Variants in CRACD observed in about 807,000 individuals in gnomAD.
The protein encoded by CRACD is capping protein-inhibiting regulator of actin dynamics.
In CRACD, 56 loss-of-function variants were observed where a neutral mutation model predicts 106.8. The observed-to-expected ratio is 0.52, with a 90% CI of 0.42 to 0.66. CRACD has a LOEUF of 0.66. Ranked by LOEUF, CRACD falls within the 30% of genes least tolerant of loss-of-function variation. CRACD has a pLI of 0.00. For synonymous variants in CRACD, 754 were observed against 670.8 expected (o/e 1.12, Z -1.92); for missense variants, 1,730 against 1,623.2 (o/e 1.07, Z -1.13).
intron 1 of CRACD, among the ~76,000 whole-genome samples, chr4:56,116,853 G>T (rs1049343064): frequency 2.0e-5 from 3 of 151,210 alleles, no homozygotes; most frequent in Non-Finnish European, 2.9e-5. Flanking sequence ...GATTACAGGC[G>T]CACGGCACCA....
rs563021917 is a variant in CRACD, at chr4:56,191,224, A to G, written c.-189+11794A>G. Among the ~76,000 whole-genome samples, 5 of 152,334 alleles carry G rather than the reference A, an allele frequency of 3.3e-5. No individual in the cohort carries two copies. In the East Asian group the frequency reaches 7.7e-4, roughly 24 times the overall value. On this transcript the variant is annotated intron_variant, in intron 2 of 10. Coordinates refer to ENST00000682029, the MANE Select transcript of CRACD (RefSeq NM_001393381.1). ...GTAGTTCTAGAGATCAGAAGTCTCA[A>G]ATGAGTCAGCAGGCCTGGCTCCTTC...
At chr4:56,258,983 G>A (rs1485184921) in intron 2 of CRACD, among the ~76,000 whole-genome samples, 1 of 152,010 alleles carries the variant, frequency 6.6e-6, no homozygotes, top group African/African-American at 2.4e-5. Context: ...AGGATTCATG[G>A]GTCTGTAACT....
At position 56,228,607 on chromosome 4, in the gene CRACD, C is replaced by CA. The variant is rs35810086; in HGVS notation, c.-188-43694dup. ...TAACATAACGAGACACCATCTCTAC[C>CA]AAAAAAAAAAAAAAAAAAAAGAATT... On this transcript the variant is annotated intron_variant, in intron 2 of 10. Transcript: ENST00000682029. Among the ~76,000 whole-genome samples, 941 of 101,370 alleles carry CA rather than the reference C, an allele frequency of 9.3e-3. 5 individuals are homozygous for CA. Among genetic ancestry groups the CA allele is most frequent in the Non-Finnish European group, 0.013 (639 of 50,134 alleles). 66.5% of individuals were successfully genotyped at this position (101,370 alleles called of 152,430 possible).
intron 2 of CRACD, among the ~76,000 whole-genome samples, chr4:56,202,425 T>G (rs1243345802): frequency 5.3e-5 from 8 of 152,150 alleles, no homozygotes; most frequent in Admixed American, 5.2e-4. Flanking sequence ...TTTTCTATTT[T>G]TAATAGAGAT....
At chr4:56,253,149 T>G (rs1278311397) in intron 2 of CRACD, among the ~76,000 whole-genome samples, 4 of 152,290 alleles carry the variant, frequency 2.6e-5, no homozygotes, top group African/African-American at 9.6e-5. Context: ...TGAAACGACT[T>G]GGCTCTCTTT....
At chr4:56,188,962 G>A (rs1737230132) in intron 2 of CRACD, among the ~76,000 whole-genome samples, 1 of 152,078 alleles carries the variant, frequency 6.6e-6, no homozygotes, top group Non-Finnish European at 1.5e-5. Context: ...ACTTAAGAAT[G>A]TGCATCACCT....
intron 2 of CRACD, among the ~76,000 whole-genome samples, chr4:56,180,071 A>G (rs574881414): frequency 2.2e-4 from 33 of 152,242 alleles, no homozygotes; most frequent in Non-Finnish European, 3.2e-4. Flanking sequence ...AGAAAATTCA[A>G]TGGAAACAGT....
intron 4 of CRACD, among the ~76,000 whole-genome samples, chr4:56,304,384 C>T (rs1744555518): frequency 6.9e-6 from 1 of 144,804 alleles, no homozygotes; most frequent in Non-Finnish European, 1.5e-5. Context: ...CATCTTTGGA[C>T]ATTATTTCAA....
intron 2 of CRACD, among the ~76,000 whole-genome samples, chr4:56,227,506 CA>C (rs10706338): frequency 0.36 from 55,075 of 151,888 alleles, 11,136 homozygotes; most frequent in East Asian, 0.78. Context: ...TCTCCCTTGC[CA>C]AAAATTACTT....
At chr4:56,217,002 AG>A (rs370537207) in intron 2 of CRACD, among the ~76,000 whole-genome samples, 82 of 140,072 alleles carry the variant, frequency 5.9e-4, no homozygotes, top group African/African-American at 1.9e-3. Flanking sequence ...AAAAAAAAAA[AG>A]AAAAAAAAAA....
At chr4:56,130,664 T>G (rs1263016085) in intron 1 of CRACD, among the ~76,000 whole-genome samples, 1 of 152,240 alleles carries the variant, frequency 6.6e-6, no homozygotes, top group Non-Finnish European at 1.5e-5. Flanking sequence ...TTTATTTGAT[T>G]TGCTCATCTA....
intron 1 of CRACD, among the ~76,000 whole-genome samples, chr4:56,129,037 T>TA (rs1734743551): frequency 3.8e-5 from 3 of 78,722 alleles, no homozygotes; most frequent in South Asian, 9.9e-4. Context: ...TACCTATTTA[T>TA]AAAACCTTTT....
At chr4:56,051,485 A>G (rs1731872718) in intron 1 of CRACD, among the ~76,000 whole-genome samples, 1 of 152,132 alleles carries the variant, frequency 6.6e-6, no homozygotes, top group South Asian at 2.1e-4. Flanking sequence ...ATGTGCATAT[A>G]GTTTCTCACA....
intron 3 of CRACD, among the ~76,000 whole-genome samples, chr4:56,294,205 TGAC>T (rs1000083225): frequency 5.4e-5 from 8 of 148,276 alleles, no homozygotes; most frequent in African/African-American, 2.0e-4. Context: ...CCAGCCTTGG[TGAC>T]TGAGACCCTG....
intron 1 of CRACD, among the ~76,000 whole-genome samples, chr4:56,096,754 A>G (rs1047530937): frequency 1.3e-5 from 2 of 151,714 alleles, no homozygotes; most frequent in Admixed American, 6.5e-5. Flanking sequence ...TGACAGTGAC[A>G]AGAGCAGTTC....
At chr4:56,210,325 T>A (rs1055895898) in intron 2 of CRACD, among the ~76,000 whole-genome samples, 2 of 152,226 alleles carry the variant, frequency 1.3e-5, no homozygotes, top group Non-Finnish European at 2.9e-5. Context: ...CATTCCTGTT[T>A]TAGCAACAAT....
At position 56,315,821 on chromosome 4, in the gene CRACD, G is replaced by A. The variant is rs1251388200; in HGVS notation, c.2319G>A (p.Pro773=). ...PAGVRELGKG[P]EKSEMHREPA... ...GTGTTCGCGAGCTCGGGAAGGGTCC[G>A]GAGAAGTCGGAGATGCACCGGGAGC... The change falls in exon 8 of 11, where the codon CCG becomes CCA. Residue 773 remains proline (P), a synonymous_variant. Transcript: ENST00000682029. The surrounding 1 kb of genome is among the most constrained non-coding windows in gnomAD (Gnocchi z 4.1). 1.2e-6 allele frequency: 2 copies of A among 1,614,168 alleles called. No homozygotes were observed. Among genetic ancestry groups the A allele is most frequent in the Admixed American group, 1.7e-5 (1 of 60,018 alleles).
chr4:56,140,337 A>G lies in CRACD; in HGVS notation c.-335-38947A>G, dbSNP rs578230510. ...TTCTGAATGAGTTTGGGGAAGGCAC[A>G]TTGGCTGATACATACTGCTTGGTTA... On this transcript the variant is annotated intron_variant, in intron 1 of 10. Coordinates refer to ENST00000682029, the MANE Select transcript of CRACD (RefSeq NM_001393381.1). Among the ~76,000 whole-genome samples the G allele has an allele frequency of 1.6e-4, 25 of 152,266 alleles. No homozygotes were observed. In the South Asian group the frequency reaches 3.9e-3, roughly 24 times the overall value.
At chr4:56,063,323 G>T (rs923409802) in intron 1 of CRACD, among the ~76,000 whole-genome samples, 1 of 152,062 alleles carries the variant, frequency 6.6e-6, no homozygotes, top group Non-Finnish European at 1.5e-5. Flanking sequence ...CGCTCAAGTA[G>T]CTGGGATCAT....
Sources: allele counts gnomAD v4.1 joint callset (sites outside exome capture counted in the v4.1 genomes callset), GRCh38; gene constraint gnomAD v4.1.1; non-coding constraint Gnocchi (gnomAD v3.1); transcripts MANE v1.5; gene names NCBI Gene and HGNC (gene_info 2026-07-23, HGNC 2026-07-21).